PSMA5: variants seen among roughly 807,000 people sequenced by gnomAD.
PSMA5 encodes the protein proteasome subunit alpha type-5.
PSMA5 carries 3 observed loss-of-function variants against 34.5 expected under a neutral mutation model. The observed-to-expected ratio is 0.09, with a 90% confidence interval of 0.04 to 0.22. The LOEUF (loss-of-function observed/expected upper bound fraction) is 0.22. Ranked by LOEUF, PSMA5 falls within the 10% of genes least tolerant of loss-of-function variation. PSMA5 has a pLI of 1.00. For synonymous variants in PSMA5, 88 were observed against 95.8 expected (o/e 0.92, Z 0.47); for missense variants, 120 against 286.1 (o/e 0.42, Z 4.19).
At chr1:109,409,404 G>T (rs1178408919) in intron 8 of PSMA5, among the ~76,000 whole-genome samples, 1 of 152,188 alleles carries the variant, frequency 6.6e-6, no homozygotes, top group Non-Finnish European at 1.5e-5. Context: ...TGATCTGCCT[G>T]CCTTGGCCTC....
At chr1:109,422,752 T>C (rs1654496336) in intron 1 of PSMA5, among the ~76,000 whole-genome samples, 1 of 152,258 alleles carries the variant, frequency 6.6e-6, no homozygotes, top group African/African-American at 2.4e-5. Flanking sequence ...ATTACAGGCA[T>C]GAACCACTGT....
chr1:109,409,580 A>G (rs1209006863), intron 8 of PSMA5, among the ~76,000 whole-genome samples: 1 of 152,218 alleles, frequency 6.6e-6, no homozygotes, highest in Non-Finnish European at 1.5e-5. Flanking sequence ...TCCATGATCT[A>G]TGTAGTCTTC....
At chr1:109,418,931 G>C (rs1654324159) in intron 2 of PSMA5, among the ~76,000 whole-genome samples, 1 of 152,190 alleles carries the variant, frequency 6.6e-6, no homozygotes, top group Admixed American at 6.5e-5. Flanking sequence ...GAGGCGGGCA[G>C]ATCACCTGAG....
At chr1:109,407,526 C>T (rs1032752771) in intron 8 of PSMA5, among the ~76,000 whole-genome samples, 5 of 152,158 alleles carry the variant, frequency 3.3e-5, no homozygotes, top group Non-Finnish European at 7.4e-5. Context: ...AATCCCCTAC[C>T]ATGGATTAAT....
At chr1:109,426,016 G>C in intron 1 of PSMA5, 1 of 561,258 alleles carries the variant, frequency 1.8e-6, no homozygotes. Flanking sequence ...CCGGGTTCAA[G>C]GTAGGAGTTC....
At chr1:109,425,228 A>C (rs1023216114) in intron 1 of PSMA5, 2 of 152,242 alleles carry the variant, frequency 1.3e-5, no homozygotes, top group African/African-American at 4.8e-5. Flanking sequence ...GGAAGACAGA[A>C]AAATAAGTAA....
rs978135343 is a variant in PSMA5, at chr1:109,420,308, T to C, written c.96+1552A>G. Among the ~76,000 whole-genome samples, 4 of 151,636 alleles carry C rather than the reference T, an allele frequency of 2.6e-5. No homozygotes were observed. In the South Asian group the frequency reaches 6.2e-4, roughly 24 times the overall value. The stretch of plus-strand genomic sequence containing the variant: ...GAAGACAATTGTGTGTGGTGGGGAG[T>C]AGGGGTGTGGGGTTAGGGCAGAAAT... On this transcript the variant is annotated intron_variant, in intron 2 of 8. Transcript: ENST00000271308.
intron 1 of PSMA5, chr1:109,425,685 T>C (rs1448811603): frequency 6.5e-6 from 1 of 152,886 alleles, no homozygotes; most frequent in Non-Finnish European, 1.5e-5. Context: ...AACATTTTCA[T>C]ACCACAAAAG....
chr1:109,408,397 T>C (rs1304602941), intron 8 of PSMA5, among the ~76,000 whole-genome samples: 1 of 152,196 alleles, frequency 6.6e-6, no homozygotes, highest in African/African-American at 2.4e-5. Flanking sequence ...TCCCTAATGC[T>C]TTAGTCTAAG....
chr1:109,422,419 C>T (rs1276194840), intron 1 of PSMA5, among the ~76,000 whole-genome samples: 4 of 151,928 alleles, frequency 2.6e-5, no homozygotes, highest in Non-Finnish European at 5.9e-5. Flanking sequence ...GGTATTGACT[C>T]GTGGAGCAAG....
chr1:109,404,132 T>C (rs1402036311), intron 8 of PSMA5, among the ~76,000 whole-genome samples: 2 of 152,116 alleles, frequency 1.3e-5, no homozygotes, highest in East Asian at 3.9e-4. Context: ...GAGACCAGCC[T>C]GGTGAACATG....
chr1:109,412,381 G>C, intron 4 of PSMA5, 197 bp from the exon 5 acceptor site: 1 of 537,244 alleles, frequency 1.9e-6, no homozygotes, highest in South Asian at 2.5e-5. Flanking sequence ...ATATCACAAG[G>C]ACTCTACGCA....
chr1:109,422,756 C>G (rs1223037498), intron 1 of PSMA5, among the ~76,000 whole-genome samples: 9 of 152,222 alleles, frequency 5.9e-5, no homozygotes, highest in Admixed American at 5.9e-4. Context: ...CAGGCATGAA[C>G]CACTGTGCCT....
intron 8 of PSMA5, among the ~76,000 whole-genome samples, chr1:109,409,647 CT>C: frequency 6.6e-6 from 1 of 152,348 alleles, no homozygotes; most frequent in Non-Finnish European, 1.5e-5. Context: ...GGTGCAGTGG[CT>C]CTCACCTATA....
At chr1:109,407,006 A>T (rs1408040680) in intron 8 of PSMA5, among the ~76,000 whole-genome samples, 1 of 152,154 alleles carries the variant, frequency 6.6e-6, no homozygotes, top group African/African-American at 2.4e-5. Context: ...ATATTTTGAG[A>T]CAGTCTCGCT....
At chr1:109,424,380 T>C (rs1029649730) in intron 1 of PSMA5, among the ~76,000 whole-genome samples, 2 of 152,186 alleles carry the variant, frequency 1.3e-5, no homozygotes, top group Non-Finnish European at 2.9e-5. Flanking sequence ...GGTCTCACTA[T>C]GTTGCCCAGG....
At chr1:109,422,049 C>T (rs548112959) in intron 1 of PSMA5, 123 bp from the exon 2 acceptor site, 1 of 567,360 alleles carries the variant, frequency 1.8e-6, no homozygotes, top group South Asian at 3.6e-5. Context: ...TTATTCTCTA[C>T]TTCGCCCACA....
rs895771825 is a variant in PSMA5 at position 109,419,489 on chromosome 1, G to A, written c.96+2371C>T. 4.6e-5 allele frequency among the ~76,000 whole-genome samples: 7 copies of A among 152,056 alleles called. No homozygotes were observed. The East Asian group carries it at 9.7e-4, about 21-fold the overall frequency. On this transcript the variant is annotated intron_variant, in intron 2 of 8. Transcript: ENST00000271308. ...TCGAGACCAGCCTGTGCAACACAGC[G>A]AAACCCCGTCTCTACAAAAAATACA...
chr1:109,411,239 GGCACAGATCTAAAAGAT>G, intron 6 of PSMA5, 126 bp from the exon 7 acceptor site: 1 of 627,684 alleles, frequency 1.6e-6, no homozygotes, highest in Admixed American at 3.1e-5. Context: ...GAAATATTGA[GGCACAGATCTAAAAGAT>G]GTTCTATGTC....
Sources: allele counts gnomAD v4.1 joint callset (sites outside exome capture counted in the v4.1 genomes callset), GRCh38; gene constraint gnomAD v4.1.1; transcripts MANE v1.5; gene names NCBI Gene and HGNC (gene_info 2026-07-23, HGNC 2026-07-21).